C8orf34: variants seen among roughly 807,000 people sequenced by gnomAD.
C8orf34 encodes the protein uncharacterized protein C8orf34.
In C8orf34, 65 loss-of-function variants were observed where a neutral mutation model predicts 68.3. The ratio of observed to expected loss-of-function variants is 0.95; its 90% CI spans 0.78 to 1.17. The LOEUF (loss-of-function observed/expected upper bound fraction) is 1.17. Ranked by LOEUF, C8orf34 falls within the 50% of genes most tolerant of loss-of-function variation. The pLI is 0.00. For synonymous variants in C8orf34, 244 were observed against 241.2 expected (o/e 1.01, Z -0.11); for missense variants, 664 against 655.4 (o/e 1.01, Z -0.14).
rs534725587 is a variant in C8orf34, at chr8:68,645,832, C to G, written c.1241+5321C>G. Among the ~76,000 whole-genome samples the G allele has an allele frequency of 2.6e-5, 4 of 152,242 alleles. No homozygotes were observed. In the South Asian group the frequency reaches 8.3e-4, roughly 32 times the overall value. ...CTTAATCTTTTTTTCAAATACTCCA[C>G]TGGTTGTAAACTACTCATAGGGTTA... On this transcript the variant is annotated intron_variant, in intron 8 of 13. Coordinates refer to ENST00000518698, the MANE Select transcript of C8orf34 (RefSeq NM_052958.4).
chr8:68,382,045 A>G (rs1808064908), intron 1 of C8orf34, among the ~76,000 whole-genome samples: 1 of 152,232 alleles, frequency 6.6e-6, no homozygotes, highest in African/African-American at 2.4e-5. Context: ...CATAGCGGAC[A>G]TAAGAAATTT....
rs745444569 is a variant in C8orf34 at position 68,533,053 on chromosome 8, A to G, written c.1009A>G (p.Met337Val). Residue 337 changes from methionine to valine, a missense_variant, in exon 7 of 14, where the codon ATG becomes GTG. Transcript: ENST00000518698. ...QQQHKKLLAA[M>V]LSQDSFESIH... Reference sequence around the variant, plus strand: ...GCAACATAAGAAACTCCTGGCCGCAATGCTCTCTCAAGATTCTTTTGAGTC... The same window carrying G: ...GCAACATAAGAAACTCCTGGCCGCAGTGCTCTCTCAAGATTCTTTTGAGTC... 2 of 1,612,424 alleles carry G rather than the reference A, an allele frequency of 1.2e-6. No individual in the cohort carries two copies. The highest frequency in any genetic ancestry group is 2.2e-5 in the East Asian group (1 of 44,828).
At chr8:68,439,351 G>C in intron 1 of C8orf34, 148 bp from the exon 2 acceptor site, 1 of 616,680 alleles carries the variant, frequency 1.6e-6, no homozygotes, top group Non-Finnish European at 2.7e-6. Flanking sequence ...ACTTGTAGCC[G>C]TCTGAAAAGA....
chr8:68,709,165 T>G, intron 9 of C8orf34, 86 bp downstream of exon 9: 1 of 989,350 alleles, frequency 1.0e-6, no homozygotes, highest in Non-Finnish European at 1.6e-6. Context: ...AAACCAAACA[T>G]CTTGCCTTGC....
At chr8:68,623,043 T>C (rs1456986782) in intron 7 of C8orf34, among the ~76,000 whole-genome samples, 1 of 152,212 alleles carries the variant, frequency 6.6e-6, no homozygotes, top group East Asian at 1.9e-4. Flanking sequence ...AACAGGTTAT[T>C]GTGTTATGGT....
At chr8:68,395,650 A>T (rs1267396148) in intron 1 of C8orf34, among the ~76,000 whole-genome samples, 1 of 152,172 alleles carries the variant, frequency 6.6e-6, no homozygotes. Context: ...TATGAAAGCT[A>T]AGATCCTTGT....
chr8:68,444,345 T>C (rs1045022107), intron 2 of C8orf34, among the ~76,000 whole-genome samples: 1 of 152,130 alleles, frequency 6.6e-6, no homozygotes, highest in Non-Finnish European at 1.5e-5. Context: ...CTTTCTTTTA[T>C]TTTTGTTGAG....
At chr8:68,764,549 T>G (rs1477499856) in intron 10 of C8orf34, among the ~76,000 whole-genome samples, 1 of 152,040 alleles carries the variant, frequency 6.6e-6, no homozygotes, top group Non-Finnish European at 1.5e-5. Flanking sequence ...CTCGAACAAG[T>G]AGCATTGGAG....
chr8:68,409,294 G>A lies in C8orf34; in HGVS notation c.328-30205G>A, dbSNP rs1404693703. ...AGGAGGTATTCCAGAAGAAAGCATT[G>A]TTGTCAAAGGAGATGACAGCCCCAT... On this transcript the variant is annotated intron_variant, in intron 1 of 13. Transcript: ENST00000518698. Among the ~76,000 whole-genome samples the A allele has an allele frequency of 7.2e-5, 11 of 152,170 alleles. No homozygotes were observed. The East Asian group carries it at 2.1e-3, about 29-fold the overall frequency.
chr8:68,695,434 C>G (rs1698972406), intron 8 of C8orf34, among the ~76,000 whole-genome samples: 1 of 152,116 alleles, frequency 6.6e-6, no homozygotes, highest in Non-Finnish European at 1.5e-5. Flanking sequence ...CAGGCATGGG[C>G]CACCCCACCC....
intron 3 of C8orf34, among the ~76,000 whole-genome samples, chr8:68,456,701 G>C (rs1811568223): frequency 6.6e-6 from 1 of 152,044 alleles, no homozygotes; most frequent in Non-Finnish European, 1.5e-5. Flanking sequence ...GATAAGATAA[G>C]TAGGTTTTGA....
At chr8:68,677,092 T>C (rs1563603001) in intron 8 of C8orf34, among the ~76,000 whole-genome samples, 1 of 152,088 alleles carries the variant, frequency 6.6e-6, no homozygotes, top group Non-Finnish European at 1.5e-5. Context: ...TCAGATTTCA[T>C]GGAATAAAAC....
At chr8:68,480,499 C>T (rs905707797) in intron 4 of C8orf34, among the ~76,000 whole-genome samples, 7 of 152,074 alleles carry the variant, frequency 4.6e-5, no homozygotes, top group African/African-American at 1.2e-4. Flanking sequence ...CTGGGTAACA[C>T]GTAGAGGTTG....
chr8:68,799,080 A>C (rs1824258544), intron 12 of C8orf34, among the ~76,000 whole-genome samples: 1 of 152,324 alleles, frequency 6.6e-6, no homozygotes, highest in Admixed American at 6.5e-5. Context: ...TTTACAATGC[A>C]TAATTATTTG....
At chr8:68,482,138 A>C (rs1812884967) in intron 4 of C8orf34, among the ~76,000 whole-genome samples, 1 of 152,184 alleles carries the variant, frequency 6.6e-6, no homozygotes, top group African/African-American at 2.4e-5. Context: ...GCTAGTGAAT[A>C]AGTCTCATGA....
At chr8:68,807,949 G>A (rs1824534728) in intron 12 of C8orf34, among the ~76,000 whole-genome samples, 1 of 152,168 alleles carries the variant, frequency 6.6e-6, no homozygotes, top group Admixed American at 6.5e-5. Context: ...AATTTATTTG[G>A]GTAACATTTC....
chr8:68,438,077 T>C (rs1810738199), intron 1 of C8orf34: 1 of 152,208 alleles, frequency 6.6e-6, no homozygotes, highest in African/African-American at 2.4e-5. Flanking sequence ...TAGTTACTAA[T>C]ATCTACCTGT....
At chr8:68,337,727 A>T (rs1805910328) in intron 1 of C8orf34, among the ~76,000 whole-genome samples, 1 of 152,214 alleles carries the variant, frequency 6.6e-6, no homozygotes, top group African/African-American at 2.4e-5. Flanking sequence ...ACAGTAAATT[A>T]TGTGAATGTA....
At chr8:68,666,029 T>G (rs987742585) in intron 8 of C8orf34, among the ~76,000 whole-genome samples, 5 of 152,194 alleles carry the variant, frequency 3.3e-5, no homozygotes, top group Admixed American at 6.5e-5. Context: ...AAATTAGGAA[T>G]AATAGCTAAT....
Sources: gnomAD v4.1 joint callset for allele counts (sites outside exome capture counted in the v4.1 genomes callset) on GRCh38, gnomAD v4.1.1 for gene constraint, MANE v1.5 for transcripts, NCBI Gene and HGNC (gene_info 2026-07-23, HGNC 2026-07-21) for gene names.